COL24A1: variants seen among roughly 807,000 people sequenced by gnomAD.
COL24A1 encodes collagen type XXIV alpha 1 chain.
A neutral mutation model predicts 253.9 loss-of-function variants in COL24A1; 224 were observed. The ratio of observed to expected loss-of-function variants is 0.88; its 90% CI spans 0.79 to 0.99. The LOEUF (loss-of-function observed/expected upper bound fraction) is 0.99, where lower values mean the gene tolerates loss of function less well. COL24A1 is among the 50% of genes least tolerant of loss of function. COL24A1 has a pLI of 0.00. For synonymous variants in COL24A1, 685 were observed against 673.7 expected (o/e 1.02, Z -0.26); for missense variants, 2,131 against 2,068.5 (o/e 1.03, Z -0.59).
intron 55 of COL24A1, 135 bp downstream of exon 55, chr1:85,761,261 T>C (rs946965788): frequency 2.2e-6 from 2 of 903,860 alleles, no homozygotes; most frequent in Non-Finnish European, 3.4e-6. Context: ...GGGCCAGCCC[T>C]GTATCAGGTT....
At chr1:86,108,964 AG>A (rs1301529523) in intron 5 of COL24A1, among the ~76,000 whole-genome samples, 1 of 152,206 alleles carries the variant, frequency 6.6e-6, no homozygotes, top group African/African-American at 2.4e-5. Context: ...GGCAAAAAAC[AG>A]AACTACTTTT....
At chr1:85,842,246 T>G in intron 40 of COL24A1, 94 bp downstream of exon 40, 1 of 1,326,430 alleles carries the variant, frequency 7.5e-7, no homozygotes. Flanking sequence ...GAAAGGTTTA[T>G]CAGAGAGATT....
intron 59 of COL24A1, 76 bp from the exon 60 acceptor site, chr1:85,730,768 T>C: frequency 7.0e-7 from 1 of 1,423,134 alleles, no homozygotes; most frequent in Non-Finnish European, 9.8e-7. Context: ...CTTTCACAGA[T>C]AATGTGAACT....
At chr1:86,134,618 T>A (rs80348436) in intron 2 of COL24A1, among the ~76,000 whole-genome samples, 135,144 of 150,142 alleles carry the variant, frequency 0.9, 60,920 homozygotes, top group Middle Eastern at 0.99. Flanking sequence ...CCAGTAGTCA[T>A]TCAGGAGCAG....
intron 43 of COL24A1, among the ~76,000 whole-genome samples, chr1:85,833,358 T>C (rs1398113060): frequency 1.3e-5 from 2 of 152,126 alleles, no homozygotes; most frequent in African/African-American, 4.8e-5. Context: ...AAAAAACACA[T>C]GACAAAATGC....
chr1:85,969,595 ACT>A (rs1445695683), intron 22 of COL24A1, among the ~76,000 whole-genome samples: 5 of 112,850 alleles, frequency 4.4e-5, no homozygotes, highest in African/African-American at 1.8e-4. Flanking sequence ...ACAGAGTGAG[ACT>A]CTGTCTCAAA....
chr1:86,044,674 A>T (rs1699766854), intron 12 of COL24A1, among the ~76,000 whole-genome samples: 1 of 152,158 alleles, frequency 6.6e-6, no homozygotes, highest in Non-Finnish European at 1.5e-5. Context: ...CCTTTTTTAA[A>T]TTCAATAGAC....
chr1:86,088,279 C>T (rs1441492481), intron 7 of COL24A1, among the ~76,000 whole-genome samples: 5 of 152,280 alleles, frequency 3.3e-5, no homozygotes, highest in African/African-American at 1.2e-4. Context: ...ATACCACTTG[C>T]AACCTAAGTC....
intron 53 of COL24A1, among the ~76,000 whole-genome samples, chr1:85,772,274 T>G (rs1668062724): frequency 6.6e-6 from 1 of 151,440 alleles, no homozygotes; most frequent in Admixed American, 6.6e-5. Context: ...CTCACACCAG[T>G]TAGAATGGCA....
chr1:86,039,912 C>G (rs1699327636), intron 12 of COL24A1, among the ~76,000 whole-genome samples: 1 of 152,094 alleles, frequency 6.6e-6, no homozygotes, highest in Non-Finnish European at 1.5e-5. Flanking sequence ...ACAATTTGAT[C>G]CACACTCAGG....
intron 45 of COL24A1, among the ~76,000 whole-genome samples, chr1:85,822,265 TC>T (rs1191071361): frequency 1.3e-5 from 2 of 152,166 alleles, no homozygotes; most frequent in African/African-American, 4.8e-5. Flanking sequence ...TATTACTTAC[TC>T]CCATAAGTGG....
chr1:85,766,447 A>G (rs1364007594), intron 53 of COL24A1, among the ~76,000 whole-genome samples: 1 of 151,836 alleles, frequency 6.6e-6, no homozygotes, highest in Non-Finnish European at 1.5e-5. Flanking sequence ...ACTCATTTTA[A>G]AAACAGTCCA....
At chr1:85,775,388 C>A (rs574975604) in intron 53 of COL24A1, among the ~76,000 whole-genome samples, 1 of 152,014 alleles carries the variant, frequency 6.6e-6, no homozygotes, top group African/African-American at 2.4e-5. Context: ...CTATTAGGTC[C>A]GCTTGGTCCA....
intron 10 of COL24A1, among the ~76,000 whole-genome samples, chr1:86,052,255 C>G (rs1045722483): frequency 1.3e-5 from 2 of 151,960 alleles, no homozygotes; most frequent in African/African-American, 4.8e-5. Context: ...CTGAAGAATT[C>G]AAGCATTAAA....
intron 8 of COL24A1, among the ~76,000 whole-genome samples, chr1:86,062,871 A>G (rs1701192648): frequency 6.6e-6 from 1 of 152,106 alleles, no homozygotes; most frequent in South Asian, 2.1e-4. Context: ...AACATGAATG[A>G]AAGGGAAAAT....
chr1:85,864,821 T>A (rs1044042004), intron 37 of COL24A1, among the ~76,000 whole-genome samples: 8 of 152,214 alleles, frequency 5.3e-5, no homozygotes, highest in Non-Finnish European at 1.5e-5. Context: ...CAGGACAATT[T>A]CATTTTAATA....
chr1:85,938,713 C>A (rs1297962639), intron 24 of COL24A1, among the ~76,000 whole-genome samples: 1 of 146,250 alleles, frequency 6.8e-6, no homozygotes, highest in Non-Finnish European at 1.5e-5. Flanking sequence ...ACTTGTGTGG[C>A]CCAAGCTGTC....
intron 22 of COL24A1, among the ~76,000 whole-genome samples, chr1:85,965,302 CT>C (rs1471726855): frequency 2.0e-5 from 3 of 151,884 alleles, no homozygotes; most frequent in African/African-American, 7.3e-5. Flanking sequence ...CATACCTGCC[CT>C]CATAGAGCTT....
In COL24A1 at chr1:85,829,589, T is replaced by C. The variant is rs994741031; in HGVS notation, c.3682-5851A>G. Among the ~76,000 whole-genome samples, 78 of 152,120 alleles carry C rather than the reference T, an allele frequency of 5.1e-4. 1 individual carries two copies. Among genetic ancestry groups the C allele is most frequent in the Admixed American group, 5.3e-4 (8 of 15,222 alleles). On this transcript the variant is annotated intron_variant, in intron 43 of 59. Coordinates refer to ENST00000370571, the MANE Select transcript of COL24A1 (RefSeq NM_152890.7). ...CAGACGTAGATTTGGTTTTTTCATA[T>C]AGCCCCATATTTCTTGGAGGCTTTG...
Sources: allele counts gnomAD v4.1 joint callset (sites outside exome capture counted in the v4.1 genomes callset), GRCh38; gene constraint gnomAD v4.1.1; transcripts MANE v1.5; gene names NCBI Gene and HGNC (gene_info 2026-07-23, HGNC 2026-07-21).